The following AGMO variants were observed in gnomAD, a reference collection of about 807,000 sequenced individuals.
AGMO encodes the protein glyceryl-ether monooxygenase.
A neutral mutation model predicts 60.2 loss-of-function variants in AGMO; 75 were observed. The ratio of observed to expected loss-of-function variants is 1.25; its 90% CI spans 1.03 to 1.51. The LOEUF (loss-of-function observed/expected upper bound fraction) is 1.51. AGMO is among the 40% of genes most tolerant of loss of function. The pLI, the probability that AGMO is intolerant of heterozygous loss-of-function variation, is 0.00. For missense variants in AGMO, 763 were observed against 525.5 expected (o/e 1.45, Z -4.42); for synonymous variants, 261 against 177.1 (o/e 1.47, Z -3.76).
intron 12 of AGMO, among the ~76,000 whole-genome samples, chr7:15,230,447 G>A (rs1394727701): frequency 6.6e-6 from 1 of 152,132 alleles, no homozygotes; most frequent in East Asian, 1.9e-4. Flanking sequence ...TGGGACCTAT[G>A]TCAGGGACCT....
chr7:15,122,015 A>C, the AGMO span, among the ~76,000 whole-genome samples: 1 of 152,170 alleles, frequency 6.6e-6, no homozygotes, highest in African/African-American at 2.4e-5. Context: ...TTCACGACTA[A>C]AACACCAAAA....
chr7:15,254,019 A>G (rs1252862145), intron 12 of AGMO, among the ~76,000 whole-genome samples: 2 of 152,120 alleles, frequency 1.3e-5, no homozygotes, highest in Non-Finnish European at 2.9e-5. Context: ...CCATGTAGTC[A>G]CAAAATGACA....
At chr7:15,344,293 G>C (rs921352995) in intron 12 of AGMO, among the ~76,000 whole-genome samples, 7 of 152,114 alleles carry the variant, frequency 4.6e-5, no homozygotes, top group African/African-American at 1.7e-4. Context: ...TCTCCAAAAA[G>C]CTAAAGCAAC....
rs71004370 is a variant in AGMO at position 15,202,458 on chromosome 7, C to CAAAAAAAAAAAAAAAAAAAAA, written c.1264-1120_1264-1100dup. On this transcript the variant is annotated intron_variant, in intron 12 of 12. Transcript: ENST00000342526. ...CACCAACAACCAAAATACAAATGAG[C>CAAAAAAAAAAAAAAAAAAAAA]AAAAAAAAAAAAAAAAAAAAAAAAA... is the stretch of plus-strand genomic sequence containing the variant. 4.6e-4 allele frequency among the ~76,000 whole-genome samples: 21 copies of CAAAAAAAAAAAAAAAAAAAAA among 45,368 alleles called. 1 individual carries two copies. The highest frequency in any genetic ancestry group is 9.4e-4 in the Admixed American group (3 of 3,206). 29.8% of individuals were successfully genotyped at this position (45,368 alleles called of 152,430 possible).
At chr7:15,289,774 A>G (rs879512052) in intron 12 of AGMO, among the ~76,000 whole-genome samples, 4 of 152,006 alleles carry the variant, frequency 2.6e-5, no homozygotes, top group African/African-American at 7.2e-5. Flanking sequence ...TGATCTGTTA[A>G]AACAGAGGAA....
At chr7:15,427,546 C>G (rs775425181) in intron 4 of AGMO, among the ~76,000 whole-genome samples, 1 of 152,100 alleles carries the variant, frequency 6.6e-6, no homozygotes, top group African/African-American at 2.4e-5. Context: ...TTCTTTTTCA[C>G]GCACTTTAGT....
At chr7:15,340,187 TA>T (rs1489520155) in intron 12 of AGMO, among the ~76,000 whole-genome samples, 1 of 152,188 alleles carries the variant, frequency 6.6e-6, no homozygotes, top group Non-Finnish European at 1.5e-5. Flanking sequence ...AGCCTGAAGG[TA>T]ATTTTATTTT....
At chr7:15,350,792 T>C (rs1365742082) in intron 12 of AGMO, among the ~76,000 whole-genome samples, 2 of 152,180 alleles carry the variant, frequency 1.3e-5, no homozygotes, top group African/African-American at 4.8e-5. Flanking sequence ...AGGCTGTGTA[T>C]AGTTTCATTA....
At chr7:15,273,675 T>C (rs1444035946) in intron 12 of AGMO, among the ~76,000 whole-genome samples, 8 of 152,190 alleles carry the variant, frequency 5.3e-5, no homozygotes, top group Non-Finnish European at 1.5e-5. Context: ...ACTGGTAGGT[T>C]GATGGGGATG....
Position 15,540,344 on chromosome 7 carries a change from C to G in AGMO, c.409+4428G>C, listed in dbSNP as rs568547713. ...ACAGCTAGTTTTTTGGTGTGGCCCC[C>G]TGAATGGCAGAGAATCTTGCCAGAG... On this transcript the variant is annotated intron_variant, in intron 3 of 12. Coordinates refer to ENST00000342526, the MANE Select transcript of AGMO (RefSeq NM_001004320.2). Among the ~76,000 whole-genome samples, 7 of 152,280 alleles carry G rather than the reference C, an allele frequency of 4.6e-5. No homozygotes were observed. In the East Asian group the frequency reaches 1.2e-3, roughly 25 times the overall value.
At chr7:15,381,601 T>G (rs138781319) in intron 10 of AGMO, among the ~76,000 whole-genome samples, 35 of 152,282 alleles carry the variant, frequency 2.3e-4, no homozygotes, top group African/African-American at 8.4e-4. Flanking sequence ...TCAATCGTTG[T>G]GGAAGACAGT....
intron 3 of AGMO, among the ~76,000 whole-genome samples, chr7:15,517,829 A>G (rs1390033384): frequency 6.6e-6 from 1 of 151,916 alleles, no homozygotes; most frequent in Non-Finnish European, 1.5e-5. Flanking sequence ...AGAACTGCTC[A>G]CTTCCCTGGA....
At chr7:15,303,413 A>G (rs1007852070) in intron 12 of AGMO, among the ~76,000 whole-genome samples, 3 of 151,020 alleles carry the variant, frequency 2.0e-5, no homozygotes, top group South Asian at 4.2e-4. Context: ...TTGGCATCAA[A>G]CAAGGAAGAG....
chr7:15,275,002 A>C (rs912629580), intron 12 of AGMO, among the ~76,000 whole-genome samples: 1 of 150,730 alleles, frequency 6.6e-6, no homozygotes, highest in Admixed American at 6.6e-5. Context: ...CCAACTTTTC[A>C]TTTTGTTGAT....
chr7:15,323,088 T>C (rs532376316), intron 12 of AGMO, among the ~76,000 whole-genome samples: 4 of 151,898 alleles, frequency 2.6e-5, no homozygotes, highest in Admixed American at 1.3e-4. Context: ...GACTATCTAA[T>C]GTTTAAATAA....
chr7:15,406,386 A>G (rs1377739165), intron 5 of AGMO, among the ~76,000 whole-genome samples: 1,123 of 140,516 alleles, frequency 8.0e-3, no homozygotes, highest in African/African-American at 0.03. Flanking sequence ...ATGAATATAC[A>G]TATATATGTA....
At position 15,406,906 on chromosome 7, in the gene AGMO, G is replaced by T. The variant is rs964590149; in HGVS notation, c.609+11652C>A. Among the ~76,000 whole-genome samples, 8 of 120,756 alleles carry T rather than the reference G, an allele frequency of 6.6e-5. No homozygotes were observed. The East Asian group carries it at 8.8e-4, about 13-fold the overall frequency. The allele number at this position is 120,756 out of a possible 152,430, so 79.2% of individuals were successfully genotyped here. ...CAGTTCAGGTCAGAAGACTCAAAAG[G>T]CCCCTTTGTTTGGAATACACACGCG... On this transcript the variant is annotated intron_variant, in intron 5 of 12. Transcript: ENST00000342526.
At chr7:15,317,215 G>C (rs1342926474) in intron 12 of AGMO, among the ~76,000 whole-genome samples, 2 of 152,100 alleles carry the variant, frequency 1.3e-5, no homozygotes, top group African/African-American at 4.8e-5. Context: ...GTATTAACTT[G>C]AATCTTCATC....
At chr7:15,185,026 T>C in the AGMO span, among the ~76,000 whole-genome samples, 87,576 of 152,004 alleles carry the variant, frequency 0.58, 25,573 homozygotes, top group Middle Eastern at 0.71. Context: ...TTTTCTACTA[T>C]ATAATGGTGG....
Sources: gnomAD v4.1 joint callset for allele counts (sites outside exome capture counted in the v4.1 genomes callset) on GRCh38, gnomAD v4.1.1 for gene constraint, MANE v1.5 for transcripts, NCBI Gene and HGNC (gene_info 2026-07-23, HGNC 2026-07-21) for gene names.